QDPR: variants seen among roughly 807,000 people sequenced by gnomAD.
The protein encoded by QDPR is quinoid dihydropteridine reductase, also known as dihydropteridine reductase.
Under a neutral mutation model 31.7 loss-of-function variants are expected in QDPR, and 23 were observed. The observed-to-expected ratio is 0.73, with a 90% CI of 0.52 to 1.03. The LOEUF is 1.03. Among genes scored for constraint, QDPR ranks in the 50% least tolerant of loss-of-function variants. The pLI is 0.00. For missense variants in QDPR, 324 were observed against 323.8 expected (o/e 1.00, Z 0.00); for synonymous variants, 124 against 124.7 (o/e 0.99, Z 0.03).
intron 4 of QDPR, among the ~76,000 whole-genome samples, chr4:17,496,467 A>C (rs1052592571): frequency 6.8e-6 from 1 of 147,038 alleles, no homozygotes; most frequent in Non-Finnish European, 1.5e-5. Flanking sequence ...AAAAAAAAAA[A>C]AAAAAGAACA....
chr4:17,497,549 T>TAGC (rs1718411503), intron 4 of QDPR, among the ~76,000 whole-genome samples: 1 of 146,984 alleles, frequency 6.8e-6, no homozygotes, highest in Non-Finnish European at 1.5e-5. Context: ...GTAATTGCTA[T>TAGC]AATTACTGAT....
intron 2 of QDPR, 74 bp downstream of exon 2, chr4:17,509,197 G>A: frequency 8.7e-7 from 1 of 1,153,670 alleles, no homozygotes; most frequent in Non-Finnish European, 1.3e-6. Flanking sequence ...TACAGCCAAA[G>A]GAAGAACATA....
At chr4:17,489,303 G>A (rs570497570) in intron 6 of QDPR, among the ~76,000 whole-genome samples, 9 of 152,338 alleles carry the variant, frequency 5.9e-5, no homozygotes, top group African/African-American at 2.2e-4. Flanking sequence ...CCCGTCCTCT[G>A]TGGGTCTGTG....
At chr4:17,496,750 C>T (rs1268917121) in intron 4 of QDPR, among the ~76,000 whole-genome samples, 2 of 149,022 alleles carry the variant, frequency 1.3e-5, no homozygotes, top group African/African-American at 2.5e-5. Context: ...ATCCTCCCAC[C>T]TCAGCCTCTT....
At chr4:17,510,948 C>T (rs1046339963) in intron 1 of QDPR, among the ~76,000 whole-genome samples, 1 of 152,166 alleles carries the variant, frequency 6.6e-6, no homozygotes, top group Non-Finnish European at 1.5e-5. Flanking sequence ...TTCTGAGCAA[C>T]AAGAAAACCT....
chr4:17,493,848 T>C (rs1395218651), intron 4 of QDPR, among the ~76,000 whole-genome samples: 3 of 152,136 alleles, frequency 2.0e-5, no homozygotes, highest in East Asian at 3.9e-4. Context: ...TTCTAAGAAG[T>C]AGCTCCATCC....
At chr4:17,494,830 T>C (rs1363963756) in intron 4 of QDPR, among the ~76,000 whole-genome samples, 2 of 152,302 alleles carry the variant, frequency 1.3e-5, no homozygotes, top group Non-Finnish European at 2.9e-5. Context: ...AATCACAGGT[T>C]CTGTGGGCCT....
At position 17,499,645 on chromosome 4, in the gene QDPR, C is replaced by CA. The variant is rs1281798031; in HGVS notation, c.436+2073_436+2074insT. Among the ~76,000 whole-genome samples, 7 of 149,514 alleles carry CA rather than the reference C, an allele frequency of 4.7e-5. No homozygotes were observed. The South Asian group carries it at 8.4e-4, about 18-fold the overall frequency. ...ACATTAAAATTGAGAAGGGGCCTGG[C>CA]GTAGTGGCTCATGCCAGTAGTCTCA... On this transcript the variant is annotated intron_variant, in intron 4 of 6. Transcript: ENST00000281243.
At chr4:17,494,294 T>C (rs916925655) in intron 4 of QDPR, among the ~76,000 whole-genome samples, 2 of 152,116 alleles carry the variant, frequency 1.3e-5, no homozygotes, top group African/African-American at 4.8e-5. Context: ...TCAGCCTGGT[T>C]TTTCCCACAA....
At chr4:17,500,281 T>C (rs554371039) in intron 4 of QDPR, among the ~76,000 whole-genome samples, 21 of 152,130 alleles carry the variant, frequency 1.4e-4, no homozygotes, top group Admixed American at 1.2e-3. Context: ...AAAAGAAGAG[T>C]TCAACTTAGG....
At chr4:17,498,255 CACAAAACTGCTTCA>C (rs1364040968) in intron 4 of QDPR, among the ~76,000 whole-genome samples, 3 of 152,314 alleles carry the variant, frequency 2.0e-5, no homozygotes, top group Middle Eastern at 6.8e-3. Context: ...AGGGACCAAT[CACAAAACTGCTTCA>C]ACAACTACCT....
At chr4:17,509,088 G>C (rs1219738042) in intron 2 of QDPR, among the ~76,000 whole-genome samples, 183 bp downstream of exon 2, 1 of 152,100 alleles carries the variant, frequency 6.6e-6, no homozygotes, top group Admixed American at 6.5e-5. Flanking sequence ...AACCCAGGAG[G>C]CAAAGGTTGC....
chr4:17,498,187 T>C (rs1454674422), intron 4 of QDPR, among the ~76,000 whole-genome samples: 1 of 152,182 alleles, frequency 6.6e-6, no homozygotes, highest in East Asian at 1.9e-4. Flanking sequence ...GTTTAAGATG[T>C]AATTGCTGTG....
intron 2 of QDPR, among the ~76,000 whole-genome samples, chr4:17,506,894 C>T (rs1297523459): frequency 6.6e-6 from 1 of 152,130 alleles, no homozygotes; most frequent in African/African-American, 2.4e-5. Context: ...AAATGAGTAG[C>T]AGAGTTGTGC....
chr4:17,491,817 G>A (rs1179857265), intron 5 of QDPR, among the ~76,000 whole-genome samples: 3 of 152,102 alleles, frequency 2.0e-5, no homozygotes, highest in Admixed American at 6.6e-5. Flanking sequence ...GTATTAAGAG[G>A]TGGGGTCTGC....
intron 6 of QDPR, among the ~76,000 whole-genome samples, chr4:17,488,812 T>C (rs919244503): frequency 6.6e-6 from 1 of 152,198 alleles, no homozygotes; most frequent in African/African-American, 2.4e-5. Flanking sequence ...CTCTGGGGTT[T>C]GAACAAGCTC....
chr4:17,509,230 A>G (rs1374328762), intron 2 of QDPR, 41 bp downstream of exon 2: 1 of 1,494,536 alleles, frequency 6.7e-7, no homozygotes, highest in Non-Finnish European at 9.3e-7. Context: ...ACCTCTCCCC[A>G]GGGTTCCCCT....
chr4:17,506,382 C>T (rs970962777), intron 2 of QDPR, among the ~76,000 whole-genome samples: 3 of 152,210 alleles, frequency 2.0e-5, no homozygotes, highest in Non-Finnish European at 4.4e-5. Context: ...CCTCCTGCCT[C>T]AGCCTCCTGA....
Position 17,511,991 on chromosome 4 carries a change from G to A in QDPR, c.64C>T (p.Leu22=), listed in dbSNP as rs764444522. 1.2e-6 allele frequency: 2 copies of A among 1,610,344 alleles called. No individual in the cohort carries two copies. Among genetic ancestry groups the A allele is most frequent in the Non-Finnish European group, 1.7e-6 (2 of 1,178,990 alleles). ...AAAGCCTGCACGCATCGAGAACCCA[G>A]AGCGCCCCTGCCGCCGTACACCAGC... ...RVLVYGGRGA[L]GSRCVQAFRA... Residue 22 remains leucine, a synonymous_variant, in exon 1 of 7, where the codon CTG becomes TTG. Transcript: ENST00000281243.
Sources: allele counts gnomAD v4.1 joint callset (sites outside exome capture counted in the v4.1 genomes callset), GRCh38; gene constraint gnomAD v4.1.1; transcripts MANE v1.5; gene names NCBI Gene and HGNC (gene_info 2026-07-23, HGNC 2026-07-21).